The following SPTBN2 variants were observed in gnomAD, a reference collection of about 807,000 sequenced individuals.
SPTBN2 encodes the protein spectrin beta chain, non-erythrocytic 2.
Under a neutral mutation model 284.2 loss-of-function variants are expected in SPTBN2, and 107 were observed. The ratio of observed to expected loss-of-function variants is 0.38; its 90% CI spans 0.32 to 0.44. SPTBN2 has a LOEUF of 0.44. Among genes scored for constraint, SPTBN2 ranks in the 20% least tolerant of loss-of-function variants. The probability of loss-of-function intolerance (pLI) is 1.00; values close to 1 mark genes in which losing one functional copy is unlikely to be tolerated. For synonymous variants in SPTBN2, 1,289 were observed against 1,354.8 expected, an observed-to-expected ratio of 0.95 and a Z score of 1.07; for missense variants, 2,569 against 3,287.1, an observed-to-expected ratio of 0.78 and a Z score of 5.34.
intron 21 of SPTBN2, among the ~76,000 whole-genome samples, chr11:66,694,781 T>C (rs1198465938): frequency 6.6e-6 from 1 of 152,226 alleles, no homozygotes; most frequent in African/African-American, 2.4e-5. Context: ...ACACTGGAAC[T>C]GGCCCCTGGA....
In SPTBN2 at chr11:66,714,361, G is replaced by A; in HGVS notation, c.530C>T (p.Ser177Leu). The change falls in exon 6 of 38, where the codon TCA becomes TTA. Residue 177 changes from serine to leucine, a missense_variant. Physicochemically the swap from Ser to Leu is moderately radical, Grantham distance 145 (BLOSUM62 -2). This residue lies in a region of SPTBN2 where 304 missense variants were observed against 522.1 expected (regional missense o/e 0.58). Coordinates refer to ENST00000533211, the MANE Select transcript of SPTBN2 (RefSeq NM_006946.4). ...CCACAGAAGCAGGGCATCCTTGGCT[G>A]ACTTCTTCTCCTTGTTGTCTTCTGT... ...VETEDNKEKK[S>L]AKDALLLWCQ... 6.2e-7 allele frequency: 1 copy of A among 1,613,972 alleles called. No individual in the cohort carries two copies. The highest frequency in any genetic ancestry group is 8.5e-7 in the Non-Finnish European group (1 of 1,179,990).
chr11:66,723,180 G>A (rs1453317489), intron 1 of SPTBN2, among the ~76,000 whole-genome samples: 2 of 151,654 alleles, frequency 1.3e-5, no homozygotes, highest in Non-Finnish European at 2.9e-5. Flanking sequence ...ACTAAAAAAT[G>A]AGGTTCAGAA....
At chr11:66,727,805 C>T (rs950714856) in intron 1 of SPTBN2, among the ~76,000 whole-genome samples, 2 of 151,230 alleles carry the variant, frequency 1.3e-5, no homozygotes, top group African/African-American at 2.4e-5. Flanking sequence ...GCACCTGGCC[C>T]GGCGCCGGCC....
rs1940526096 is a variant in SPTBN2 at position 66,691,286 on chromosome 11, G to C, written c.5563C>G (p.Gln1855Glu). ...ACCTCCTCATGCTTGGGTCAGACCT[G>C]GGGGCTGAGGGCCTGAATGTCATGC... ...YEHDIQALSPQVQQVQDDGHR... is the reference protein window; with the variant it reads ...YEHDIQALSPEVQQVQDDGHR... Residue 1855 changes from glutamine (Q) to glutamate (E), a missense_variant and splice_region_variant, in exon 27 of 38, where the codon CAG becomes GAG. By Grantham distance (29) the Gln-to-Glu change is conservative. Coordinates refer to ENST00000533211, the MANE Select transcript of SPTBN2 (RefSeq NM_006946.4). This position sits in a 1 kb window ranked among gnomAD's most constrained non-coding sequence, Gnocchi z 8.0. 1 of 1,530,100 alleles carries C rather than the reference G, an allele frequency of 6.5e-7. No homozygotes were observed. Among genetic ancestry groups the C allele is most frequent in the Non-Finnish European group, 8.8e-7 (1 of 1,135,772 alleles). The allele number at this position is 1,530,100 out of a possible 1,614,324, so 94.8% of individuals were successfully genotyped here. A position where few individuals can be genotyped will look rare whatever the true frequency, so the allele number is the denominator to read the frequency against.
Position 66,705,223 on chromosome 11 carries a change from C to A in SPTBN2, c.2053G>T (p.Ala685Ser). 6.4e-7 allele frequency: 1 copy of A among 1,552,512 alleles called. No homozygotes were observed. The highest frequency in any genetic ancestry group is 2.4e-5 in the East Asian group (1 of 41,564). ...CGGCCGCTCATCTCGCCCCGCAGGG[C>A]TGTGTGCTTGTTGAGCAGGCGGAGG... is the stretch of plus-strand genomic sequence containing the variant. ...GALRLLNKHT[A>S]LRGEMSGRLG... The change falls in exon 15 of 38, where the codon GCC becomes TCC. Residue 685 changes from alanine to serine, a missense_variant. Around this residue, in one of 6 missense-constraint regions of SPTBN2, gnomAD observed 1,012 missense variants for 1,248.9 expected, o/e 0.81. Transcript: ENST00000533211.
intron 15 of SPTBN2, among the ~76,000 whole-genome samples, chr11:66,702,757 T>C (rs371952082): frequency 6.6e-6 from 1 of 151,398 alleles, no homozygotes; most frequent in Non-Finnish European, 1.5e-5. Flanking sequence ...GCTAACACGG[T>C]GAAACCTCGT....
In SPTBN2 at chr11:66,715,740, C is replaced by CTTGGAT; in HGVS notation, c.309+89_309+90insATCCAA. The stretch of plus-strand genomic sequence containing the variant: ...GGGAGCCACTGCTTCCCGCCCTGTG[C>CTTGGAT]CGTCACTCTCTCTGAGGGCTGTTCT... On this transcript the variant is annotated intron_variant, in intron 4 of 37. Coordinates refer to ENST00000533211, the MANE Select transcript of SPTBN2 (RefSeq NM_006946.4). The surrounding 1 kb of genome is among the most constrained non-coding windows in gnomAD (Gnocchi z 5.3). 1 of 1,545,800 alleles carries CTTGGAT rather than the reference C, an allele frequency of 6.5e-7. No homozygotes were observed. Among genetic ancestry groups the CTTGGAT allele is most frequent in the Non-Finnish European group, 8.8e-7 (1 of 1,140,144 alleles).
intron 18 of SPTBN2, 142 bp from the exon 19 acceptor site, chr11:66,699,224 C>A: frequency 1.5e-6 from 2 of 1,308,866 alleles, no homozygotes; most frequent in Non-Finnish European, 2.2e-6. Context: ...TCCTGACTTC[C>A]TTTTAGCCCT....
Position 66,710,888 on chromosome 11 carries a change from C to T in SPTBN2, c.885+29G>A. On this transcript the variant is annotated intron_variant, in intron 9 of 37. Coordinates refer to ENST00000533211, the MANE Select transcript of SPTBN2 (RefSeq NM_006946.4). This position sits in a 1 kb window ranked among gnomAD's most constrained non-coding sequence, Gnocchi z 4.9. ...GACCCCTCAGCCGGGCCTCCTCTGG[C>T]CTTTATGCCTACTGCCCATGGACAG... 3.1e-6 allele frequency: 5 copies of T among 1,612,818 alleles called. No homozygotes were observed. The highest frequency in any genetic ancestry group is 4.2e-6 in the Non-Finnish European group (5 of 1,178,802).
At position 66,687,229 on chromosome 11, in the gene SPTBN2, G is replaced by C. The variant is rs1940177719; in HGVS notation, c.6723-62C>G. On this transcript the variant is annotated intron_variant, in intron 35 of 37. Coordinates refer to ENST00000533211, the MANE Select transcript of SPTBN2 (RefSeq NM_006946.4). This position sits in a 1 kb window ranked among gnomAD's most constrained non-coding sequence, Gnocchi z 5.2. ...GGCGCCCGCAACCTGGAGCCCTCTT[G>C]GGTGTCCTAGGACTTCCAGTTCTGC... The C allele has an allele frequency of 6.2e-6, 10 of 1,601,462 alleles. No homozygotes were observed. The highest frequency in any genetic ancestry group is 1.3e-5 in the African/African-American group (1 of 74,716).
At chr11:66,716,432 A>G (rs1348043275) in intron 3 of SPTBN2, among the ~76,000 whole-genome samples, 1 of 151,656 alleles carries the variant, frequency 6.6e-6, no homozygotes, top group Non-Finnish European at 1.5e-5. Context: ...GGGAGCCGAG[A>G]TTGTGCCACT....
In SPTBN2 at chr11:66,699,000, A is replaced by G. The variant is rs1941093329; in HGVS notation, c.3859T>C (p.Cys1287Arg). ...GCCCCAGGGAGCCTCACCTCGTGAC[A>G]ATCTTGCAGGAAATGCTGCTGCTCC... is the stretch of plus-strand genomic sequence containing the variant. ...NREQQHFLQD[C>R]HELKLWIDEK... is the part of the protein sequence containing the mutation. The change falls in exon 19 of 38, where the codon TGT (cysteine) becomes CGT (arginine). Residue 1287 changes from cysteine (C) to arginine (R), a missense_variant. Cys to Arg is a radical substitution (Grantham distance 180). Transcript: ENST00000533211. 3 of 1,614,196 alleles carry G rather than the reference A, an allele frequency of 1.9e-6. No homozygotes were observed. The highest frequency in any genetic ancestry group is 2.2e-5 in the South Asian group (2 of 91,072).
chr11:66,686,320 G>A lies in SPTBN2; in HGVS notation c.6939+78C>T, dbSNP rs971442978. On this transcript the variant is annotated intron_variant, in intron 37 of 37. Transcript: ENST00000533211. ...GGACAAGACCAGGAAAAAGAGGGAG[G>A]ACAGGGAAAGAAGGGGAGTCTGCAG... 1.9e-6 allele frequency: 3 copies of A among 1,575,704 alleles called. No homozygotes were observed. The African/African-American group carries it at 4.0e-5, about 21-fold the overall frequency.
chr11:66,700,820 C>A lies in SPTBN2; in HGVS notation c.3279G>T (p.Gly1093=). The A allele has an allele frequency of 6.2e-7, 1 of 1,600,448 alleles. No homozygotes were observed. The highest frequency in any genetic ancestry group is 8.5e-7 in the Non-Finnish European group (1 of 1,179,770). ...CCTCTGCCTCAGGCAGGGTGGCCGG[C>A]CCTTCTTCAGAGGCCACAGCAGTCT... ...RTQTAVASEE[G]PATLPEAEAL... The change falls in exon 17 of 38, where the codon GGG becomes GGT. Residue 1093 remains glycine (G), a synonymous_variant. Coordinates refer to ENST00000533211, the MANE Select transcript of SPTBN2 (RefSeq NM_006946.4). The surrounding 1 kb of genome is among the most constrained non-coding windows in gnomAD (Gnocchi z 6.6).
In SPTBN2 at chr11:66,686,323, A is replaced by G. The variant is rs181487492; in HGVS notation, c.6939+75T>C. On this transcript the variant is annotated intron_variant, in intron 37 of 37. Transcript: ENST00000533211. ...CAAGACCAGGAAAAAGAGGGAGGAC[A>G]GGGAAAGAAGGGGAGTCTGCAGCTG... 5.3e-5 allele frequency: 83 copies of G among 1,580,066 alleles called. No homozygotes were observed. The African/African-American group carries it at 1.0e-3, about 19-fold the overall frequency.
intron 1 of SPTBN2, among the ~76,000 whole-genome samples, chr11:66,743,422 C>G (rs999174961): frequency 6.6e-6 from 1 of 152,170 alleles, no homozygotes; most frequent in African/African-American, 2.4e-5. Flanking sequence ...CCAATCCTGG[C>G]GTCTTGGAGC....
rs757456433 is a variant in SPTBN2 at position 66,693,197 on chromosome 11, C to T, written c.4843G>A (p.Glu1615Lys). The change falls in exon 24 of 38, where the codon GAG becomes AAG. Residue 1615 changes from glutamate to lysine, a missense_variant. Around this residue, in one of 6 missense-constraint regions of SPTBN2, gnomAD observed 1,130 missense variants for 1,317.3 expected, o/e 0.86. Transcript: ENST00000533211. The surrounding 1 kb of genome is among the most constrained non-coding windows in gnomAD (Gnocchi z 5.7). ...GTCCTGGCCCTCACCTTGGCCTTCT[C>T]CTGGCCCATCATGTGTAATTCCTGC... ...GEQELHMMGQ[E>K]KAKDELSAQA... 6.2e-7 allele frequency: 1 copy of T among 1,614,244 alleles called. No individual in the cohort carries two copies. The highest frequency in any genetic ancestry group is 8.5e-7 in the Non-Finnish European group (1 of 1,180,044).
intron 1 of SPTBN2, among the ~76,000 whole-genome samples, chr11:66,743,931 G>A (rs1942927243): frequency 6.6e-6 from 1 of 152,122 alleles, no homozygotes; most frequent in Non-Finnish European, 1.5e-5. Context: ...CGCGATCTCG[G>A]CTCACTGCAA....
intron 36 of SPTBN2, 124 bp downstream of exon 36, chr11:66,686,870 G>T: frequency 1.5e-6 from 2 of 1,295,958 alleles, no homozygotes; most frequent in Non-Finnish European, 2.2e-6. Flanking sequence ...TCCCCAAGTG[G>T]CTGGCCTGGT....
Sources: gnomAD v4.1 joint callset for allele counts (sites outside exome capture counted in the v4.1 genomes callset) on GRCh38, gnomAD v4.1.1 for gene constraint, gnomAD v4.1.1 regional missense constraint, Gnocchi (gnomAD v3.1) non-coding constraint, MANE v1.5 for transcripts, NCBI Gene and HGNC (gene_info 2026-07-23, HGNC 2026-07-21) for gene names.